ZMYM1: variants seen among roughly 807,000 people sequenced by gnomAD.
ZMYM1 encodes zinc finger MYM-type protein 1.
A neutral mutation model predicts 60.0 loss-of-function variants in ZMYM1; 39 were observed. The ratio of observed to expected loss-of-function variants is 0.65; its 90% CI spans 0.50 to 0.85. ZMYM1 has a LOEUF of 0.85. Among genes scored for constraint, ZMYM1 ranks in the 40% least tolerant of loss-of-function variants. The probability of loss-of-function intolerance (pLI) is 0.00; values close to 1 mark genes in which losing one functional copy is unlikely to be tolerated. For missense variants in ZMYM1, 1,171 were observed against 1,309.5 expected (o/e 0.89, Z 1.63); for synonymous variants, 413 against 454.0 (o/e 0.91, Z 1.15).
intron 1 of ZMYM1, among the ~76,000 whole-genome samples, chr1:35,083,016 A>G (rs1475511326): frequency 6.6e-6 from 1 of 152,170 alleles, no homozygotes; most frequent in Non-Finnish European, 1.5e-5. Context: ...TAGCATTTCT[A>G]CAGTGTTTTC....
chr1:35,104,777 T>C lies in ZMYM1; in HGVS notation c.807+8T>C, dbSNP rs1308118848. On this transcript the variant is annotated splice_region_variant and intron_variant, in intron 6 of 9. Coordinates refer to ENST00000359858, the MANE Select transcript of ZMYM1 (RefSeq NM_024772.5). The stretch of plus-strand genomic sequence containing the variant: ...ATTACAGCATATAAGCAGGTATGAA[T>C]AAAGACCTATTGTTTCTTCTATTAA... The C allele has an allele frequency of 6.2e-7, 1 of 1,601,338 alleles. No homozygotes were observed. Among genetic ancestry groups the C allele is most frequent in the African/African-American group, 1.3e-5 (1 of 74,564 alleles).
intron 6 of ZMYM1, 150 bp downstream of exon 6, chr1:35,104,919 GC>G (rs1266930912): frequency 3.4e-6 from 2 of 593,902 alleles, no homozygotes; most frequent in Non-Finnish European, 5.7e-6. Context: ...GTTTCTTCTT[GC>G]ATAAGAATTC....
chr1:35,074,419 CT>C (rs932886687), upstream of ZMYM1, among the ~76,000 whole-genome samples: 3 of 151,024 alleles, frequency 2.0e-5, no homozygotes, highest in Non-Finnish European at 3.0e-5. Flanking sequence ...TGTTGATTTT[CT>C]TTTTTTTTCT....
upstream of ZMYM1, among the ~76,000 whole-genome samples, chr1:35,076,158 C>T (rs1474362501): frequency 2.0e-5 from 3 of 152,142 alleles, no homozygotes; most frequent in Non-Finnish European, 4.4e-5. Flanking sequence ...CACATAACCC[C>T]AGATATAAAG....
At position 35,104,632 on chromosome 1, in the gene ZMYM1, G is replaced by A; in HGVS notation, c.670G>A (p.Ala224Thr). The change falls in exon 6 of 10, where the codon GCT becomes ACT. Residue 224 changes from alanine (A) to threonine (T), a missense_variant. Physicochemically the swap from Ala to Thr is moderately conservative, Grantham distance 58. Transcript: ENST00000359858. ...SNACLSKFHS[A>T]NNFIMNCCEN... ...TGCCTGCCTTTCAAAGTTTCACTCT[G>A]CTAACAACTTCATCATGAACTGCTG... is the stretch of plus-strand genomic sequence containing the variant. 6.2e-7 allele frequency: 1 copy of A among 1,614,124 alleles called. No individual in the cohort carries two copies. The highest frequency in any genetic ancestry group is 8.5e-7 in the Non-Finnish European group (1 of 1,180,032).
rs112947739 is a variant in ZMYM1 at position 35,085,702 on chromosome 1, T to C, written c.-75+6260T>C. 5.9e-3 allele frequency among the ~76,000 whole-genome samples: 905 copies of C among 152,340 alleles called. 9 individuals are homozygous for C. The highest frequency in any genetic ancestry group is 0.021 in the African/African-American group (855 of 41,570). ...AGAGCTCTCTTGGGCCTGCCCTTTC[T>C]TGCCTTTGGTGTGGCACATGCCAGC... On this transcript the variant is annotated intron_variant, in intron 1 of 9. Transcript: ENST00000359858.
chr1:35,100,638 A>T (rs146606607), intron 4 of ZMYM1, among the ~76,000 whole-genome samples: 64 of 151,076 alleles, frequency 4.2e-4, no homozygotes, highest in East Asian at 2.3e-3. Context: ...AAAAAAAAAG[A>T]TGTGACTTGT....
chr1:35,064,143 G>A (rs150060699), intron 1 of ZMYM1, among the ~76,000 whole-genome samples: 1,576 of 152,128 alleles, frequency 0.01, 15 homozygotes, highest in Non-Finnish European at 0.015. Context: ...GACCAACCTG[G>A]TGAAACCCCA....
chr1:35,095,969 A>G, intron 3 of ZMYM1, 78 bp downstream of exon 3: 2 of 1,109,038 alleles, frequency 1.8e-6, no homozygotes, highest in Non-Finnish European at 2.7e-6. Context: ...ATGCCTTTGA[A>G]TATTGCTTTG....
At chr1:35,106,318 C>T (rs1393463840) in intron 6 of ZMYM1, among the ~76,000 whole-genome samples, 1 of 151,972 alleles carries the variant, frequency 6.6e-6, no homozygotes, top group Non-Finnish European at 1.5e-5. Flanking sequence ...TCCTTAAAAA[C>T]AAGCAGTTGG....
At chr1:35,112,486 T>TA (rs1557713020) in intron 9 of ZMYM1, among the ~76,000 whole-genome samples, 2 of 145,388 alleles carry the variant, frequency 1.4e-5, no homozygotes, top group African/African-American at 5.0e-5. Context: ...CCCAGATTTT[T>TA]TATATATATA....
At chr1:35,094,659 A>G (rs1643212272) in intron 2 of ZMYM1, among the ~76,000 whole-genome samples, 1 of 152,228 alleles carries the variant, frequency 6.6e-6, no homozygotes, top group South Asian at 2.1e-4. Context: ...GTTTGAGACC[A>G]ACTGGATGAC....
At chr1:35,118,332 G>A (rs143296119), downstream of ZMYM1, among the ~76,000 whole-genome samples, 13 of 152,074 alleles carry the variant, frequency 8.5e-5, no homozygotes, top group African/African-American at 3.1e-4. Flanking sequence ...AGTGCTTAAG[G>A]CTATGAACTT....
Position 35,113,915 on chromosome 1 carries a change from G to T in ZMYM1, c.2085G>T (p.Arg695Ser). ...AGATGACTGGGACCCACTTACATAG[G>T]ACTATCAAAACTTATCTGCAGCAAA... ...TEEMTGTHLH[R>S]TIKTYLQQIG... Residue 695 changes from arginine to serine, a missense_variant, in exon 10 of 10, where the codon AGG (arginine) becomes AGT (serine). Arg to Ser is a moderately radical substitution (Grantham distance 110). Transcript: ENST00000359858. The T allele has an allele frequency of 6.2e-7, 1 of 1,613,836 alleles. No homozygotes were observed. Among genetic ancestry groups the T allele is most frequent in the Non-Finnish European group, 8.5e-7 (1 of 1,179,892 alleles).
intron 7 of ZMYM1, among the ~76,000 whole-genome samples, chr1:35,111,152 A>G (rs1260078108): frequency 1.3e-5 from 2 of 152,184 alleles, no homozygotes; most frequent in Non-Finnish European, 2.9e-5. Context: ...ACAAGTTTTC[A>G]TTACATTTTT....
chr1:35,076,392 T>C (rs958927537), upstream of ZMYM1, among the ~76,000 whole-genome samples: 1 of 152,074 alleles, frequency 6.6e-6, no homozygotes, highest in African/African-American at 2.4e-5. Context: ...GAGGCTGAGG[T>C]GAGCGGATCA....
At position 35,111,977 on chromosome 1, in the gene ZMYM1, T is replaced by TA. The variant is rs535049424; in HGVS notation, c.1102+66dup. 9.2e-5 allele frequency: 144 copies of TA among 1,557,910 alleles called. No individual in the cohort carries two copies. In the African/African-American group the frequency reaches 1.8e-3, roughly 19 times the overall value. ...TTGTCATACTTGATAAATCTGTCTA[T>TA]ATGCTAAATTTTCTTTTTGTTTCTT... On this transcript the variant is annotated intron_variant, in intron 8 of 9. Transcript: ENST00000359858.
In ZMYM1 at chr1:35,104,637, C is replaced by T. The variant is rs1643822448; in HGVS notation, c.675C>T (p.Asn225=). 1 of 1,614,048 alleles carries T rather than the reference C, an allele frequency of 6.2e-7. No individual in the cohort carries two copies. Among genetic ancestry groups the T allele is most frequent in the Non-Finnish European group, 8.5e-7 (1 of 1,180,034 alleles). The part of the protein sequence containing the change: ...NACLSKFHSA[N]NFIMNCCENC... The stretch of plus-strand genomic sequence containing the variant: ...GCCTTTCAAAGTTTCACTCTGCTAA[C>T]AACTTCATCATGAACTGCTGTGAGA... Residue 225 remains asparagine (N), a synonymous_variant, in exon 6 of 10, where the codon AAC becomes AAT. Transcript: ENST00000359858.
chr1:35,096,362 T>C (rs982900284), intron 3 of ZMYM1, among the ~76,000 whole-genome samples: 1 of 150,776 alleles, frequency 6.6e-6, no homozygotes, highest in East Asian at 1.9e-4. Flanking sequence ...TGGTGCCTCA[T>C]GCCTGTAATC....
Sources: allele counts gnomAD v4.1 joint callset (sites outside exome capture counted in the v4.1 genomes callset), GRCh38; gene constraint gnomAD v4.1.1; transcripts MANE v1.5; gene names NCBI Gene and HGNC (gene_info 2026-07-23, HGNC 2026-07-21).